Variants in SHLD2 observed in about 807,000 individuals in gnomAD.
SHLD2 encodes shieldin complex subunit 2, also known as RINN1-REV7-interacting novel NHEJ regulator 2.
A neutral mutation model predicts 73.2 loss-of-function variants in SHLD2; 30 were observed. That is an observed-to-expected ratio of 0.41 (90% CI 0.31 to 0.56). The LOEUF is 0.56. SHLD2 is among the 20% of genes least tolerant of loss of function. The pLI is 0.28. For missense variants in SHLD2, 745 were observed against 1,055.9 expected (o/e 0.71, Z 4.08); for synonymous variants, 285 against 370.1 (o/e 0.77, Z 2.64).
chr10:87,097,656 TA>T (rs1331153205), intron 2 of SHLD2, among the ~76,000 whole-genome samples: 1 of 152,126 alleles, frequency 6.6e-6, no homozygotes, highest in African/African-American at 2.4e-5. Flanking sequence ...TGGAAATTAC[TA>T]TTTTTTTTTT....
chr10:87,189,989 C>T (rs1260987731), intron 9 of SHLD2, among the ~76,000 whole-genome samples: 2 of 152,130 alleles, frequency 1.3e-5, no homozygotes, highest in East Asian at 1.9e-4. Context: ...AGGGGGATCA[C>T]ATGCCGTCAC....
rs559951331 is a variant in SHLD2 at position 87,171,875 on chromosome 10, G to T, written c.1963+901G>T. Among the ~76,000 whole-genome samples the T allele has an allele frequency of 8.9e-4, 136 of 152,266 alleles. 2 individuals are homozygous for T. Among genetic ancestry groups the T allele is most frequent in the African/African-American group, 3.2e-3 (131 of 41,548 alleles). On this transcript the variant is annotated intron_variant, in intron 6 of 9. Coordinates refer to ENST00000298786, the MANE Select transcript of SHLD2 (RefSeq NM_001330112.2). ...TTTGGTTGAGCAAGCTGACAAACAT[G>T]TATCAGTGATAGACTAACTATGATC... is the stretch of plus-strand genomic sequence containing the variant.
chr10:87,103,286 A>G (rs1258558547), intron 2 of SHLD2, among the ~76,000 whole-genome samples: 2 of 152,138 alleles, frequency 1.3e-5, no homozygotes, highest in Non-Finnish European at 1.5e-5. Context: ...TCTAATTTTA[A>G]TATGATTTAG....
chr10:87,117,788 C>T (rs1269471943), intron 2 of SHLD2, among the ~76,000 whole-genome samples: 1 of 152,150 alleles, frequency 6.6e-6, no homozygotes, highest in African/African-American at 2.4e-5. Context: ...GAGGGAAACC[C>T]TGTCTCAAAA....
intron 4 of SHLD2, among the ~76,000 whole-genome samples, chr10:87,167,056 G>A (rs1847254940): frequency 6.6e-6 from 1 of 151,968 alleles, no homozygotes; most frequent in South Asian, 2.1e-4. Flanking sequence ...GAAGGGGAAG[G>A]AATGTTTTGA....
chr10:87,094,496 G>A (rs369007113), upstream of SHLD2: 10 of 1,613,420 alleles, frequency 6.2e-6, no homozygotes, highest in African/African-American at 9.3e-5. This position sits in a 1 kb window ranked among gnomAD's most constrained non-coding sequence, Gnocchi z 6.6. Flanking sequence ...TCGCTCTCCC[G>A]GGTCCTCAGG....
chr10:87,144,680 G>T (rs926170067), intron 2 of SHLD2, among the ~76,000 whole-genome samples: 2 of 127,924 alleles, frequency 1.6e-5, no homozygotes, highest in Admixed American at 9.2e-5. Flanking sequence ...AGGCTGGAAT[G>T]CAGTGGCGCA....
At chr10:87,126,744 G>A (rs1298950239) in intron 2 of SHLD2, among the ~76,000 whole-genome samples, 1 of 152,086 alleles carries the variant, frequency 6.6e-6, no homozygotes, top group Non-Finnish European at 1.5e-5. Context: ...ACACTTTATT[G>A]TTCTTGGTGC....
rs531003181 is a variant in SHLD2 at position 87,190,785 on chromosome 10, A to G, written c.*102A>G. 1,014 of 974,862 alleles carry G rather than the reference A, an allele frequency of 1.0e-3. 1 individual carries two copies. The highest frequency in any genetic ancestry group is 2.2e-3 in the Admixed American group (94 of 42,092). The allele number at this position is 974,862 out of a possible 1,614,324, so 60.4% of individuals were successfully genotyped here. A position where few individuals can be genotyped will look rare whatever the true frequency, so the allele number is the denominator to read the frequency against. ...GGGCTTTTGCTTTGGATTTTTTATG[A>G]AATATATTTTACAAAGAGAATTGCA... is the stretch of plus-strand genomic sequence containing the variant. On this transcript the variant is annotated 3_prime_UTR_variant, in exon 10 of 10. Coordinates refer to ENST00000298786, the MANE Select transcript of SHLD2 (RefSeq NM_001330112.2).
At chr10:87,169,349 T>C (rs1295348107) in intron 4 of SHLD2, among the ~76,000 whole-genome samples, 1 of 152,198 alleles carries the variant, frequency 6.6e-6, no homozygotes, top group East Asian at 1.9e-4. Flanking sequence ...ATTTTTTCTT[T>C]GTAACTTTAG....
At chr10:87,143,793 G>A (rs180853573) in intron 2 of SHLD2, among the ~76,000 whole-genome samples, 96 of 151,902 alleles carry the variant, frequency 6.3e-4, no homozygotes, top group African/African-American at 2.3e-3. Flanking sequence ...GACACCAGAA[G>A]AGCATGCCTA....
chr10:87,125,336 A>AT (rs1463894335), intron 2 of SHLD2, among the ~76,000 whole-genome samples: 4 of 152,182 alleles, frequency 2.6e-5, no homozygotes, highest in Non-Finnish European at 5.9e-5. Context: ...GTAATGTAAA[A>AT]TTAAGGGACT....
chr10:87,127,099 A>C (rs1844061767), intron 2 of SHLD2, among the ~76,000 whole-genome samples: 1 of 151,978 alleles, frequency 6.6e-6, no homozygotes, highest in Non-Finnish European at 1.5e-5. Context: ...TTAGGAATAA[A>C]TTGTTCTACT....
intron 4 of SHLD2, among the ~76,000 whole-genome samples, chr10:87,169,060 G>C (rs543731461): frequency 4.0e-4 from 61 of 152,258 alleles, no homozygotes; most frequent in African/African-American, 1.3e-3. Context: ...TCAACACAAT[G>C]TTTCCATGAG....
chr10:87,170,455 T>G, intron 4 of SHLD2, 23 bp from the exon 5 acceptor site: 1 of 1,497,604 alleles, frequency 6.7e-7, no homozygotes, highest in Non-Finnish European at 9.0e-7. Flanking sequence ...CTTTTGTCTG[T>G]CTGTATGTTT....
At chr10:87,163,486 G>A (rs970020615) in intron 4 of SHLD2, among the ~76,000 whole-genome samples, 1 of 152,118 alleles carries the variant, frequency 6.6e-6, no homozygotes, top group African/African-American at 2.4e-5. Context: ...CACAGAAGCG[G>A]GTGGGGAAGA....
Position 87,176,060 on chromosome 10 carries a change from C to G in SHLD2, c.2135C>G (p.Ser712Ter). 3.2e-6 allele frequency: 5 copies of G among 1,548,346 alleles called. No homozygotes were observed. ...AGTGCACCCTCCTTTGTGAAGATATCAGACTTAGCAACCCACCTAGAGGAT... is the reference window on the plus strand; with the variant it reads ...AGTGCACCCTCCTTTGTGAAGATATGAGACTTAGCAACCCACCTAGAGGAT... Reference protein sequence around the residue: ...QKSAPSFVKISDLATHLEDKC... With the variant: ...QKSAPSFVKI Residue 712 changes from serine (S) to a stop codon, truncating the protein, a stop_gained, in exon 7 of 10, where the codon TCA (serine) becomes TGA (stop). Coordinates refer to ENST00000298786, the MANE Select transcript of SHLD2 (RefSeq NM_001330112.2). LOFTEE classifies it high-confidence loss of function.
chr10:87,176,825 A>T, intron 7 of SHLD2, among the ~76,000 whole-genome samples: 1 of 152,274 alleles, frequency 6.6e-6, no homozygotes, highest in East Asian at 1.9e-4. Context: ...CCCAACTTTT[A>T]ATTGAATACA....
intron 6 of SHLD2, among the ~76,000 whole-genome samples, chr10:87,173,752 C>A: frequency 6.6e-6 from 1 of 150,500 alleles, no homozygotes; most frequent in Non-Finnish European, 1.5e-5. Flanking sequence ...CAAAAAAAAA[C>A]AGAAAAAAAA....
Sources: gnomAD v4.1 joint callset for allele counts (sites outside exome capture counted in the v4.1 genomes callset) on GRCh38, gnomAD v4.1.1 for gene constraint, Gnocchi (gnomAD v3.1) non-coding constraint, MANE v1.5 for transcripts, NCBI Gene and HGNC (gene_info 2026-07-23, HGNC 2026-07-21) for gene names.